Variants in TACR1 observed in about 807,000 individuals in gnomAD.
TACR1 encodes substance-P receptor.
A neutral mutation model predicts 35.8 loss-of-function variants in TACR1; 25 were observed. The observed-to-expected ratio is 0.70, with a 90% confidence interval of 0.51 to 0.98. The LOEUF (loss-of-function observed/expected upper bound fraction) is 0.98, where lower values mean the gene tolerates loss of function less well. TACR1 is among the 50% of genes least tolerant of loss of function. TACR1 has a pLI of 0.00. For missense variants in TACR1, 478 were observed against 522.9 expected (o/e 0.91, Z 0.84); for synonymous variants, 195 against 206.7 (o/e 0.94, Z 0.48).
At chr2:75,109,581 A>G (rs1673712818) in intron 2 of TACR1, among the ~76,000 whole-genome samples, 1 of 152,218 alleles carries the variant, frequency 6.6e-6, no homozygotes, top group South Asian at 2.1e-4. Context: ...AAGTAATTCC[A>G]TATTTGTTTT....
chr2:75,081,898 CTT>C (rs573484307), intron 2 of TACR1, among the ~76,000 whole-genome samples: 4,932 of 133,354 alleles, frequency 0.037, 237 homozygotes, highest in African/African-American at 0.12. Flanking sequence ...ACCAACATTT[CTT>C]TTTTTTTTTT....
intron 2 of TACR1, among the ~76,000 whole-genome samples, chr2:75,066,966 C>T (rs903800885): frequency 5.3e-5 from 8 of 152,170 alleles, no homozygotes; most frequent in Admixed American, 1.3e-4. Flanking sequence ...TTTATGCAAC[C>T]TCCTCGTCTT....
intron 1 of TACR1, among the ~76,000 whole-genome samples, chr2:75,123,664 C>T (rs559058173): frequency 6.6e-6 from 1 of 152,248 alleles, no homozygotes; most frequent in South Asian, 2.1e-4. Flanking sequence ...TTGTTCAAAA[C>T]AGAGGTGTTT....
chr2:75,049,924 A>G (rs527244937), intron 4 of TACR1, among the ~76,000 whole-genome samples: 1 of 152,196 alleles, frequency 6.6e-6, no homozygotes, highest in South Asian at 2.1e-4. Context: ...ACTAGAAAAA[A>G]AAAATCCAAC....
At chr2:75,093,414 C>T (rs1411855879) in intron 2 of TACR1, among the ~76,000 whole-genome samples, 1 of 152,180 alleles carries the variant, frequency 6.6e-6, no homozygotes, top group Non-Finnish European at 1.5e-5. Flanking sequence ...CTCCATCAGT[C>T]AACTTGGAGC....
chr2:75,144,200 C>G (rs547576792), intron 1 of TACR1, among the ~76,000 whole-genome samples: 5 of 152,290 alleles, frequency 3.3e-5, no homozygotes, highest in African/African-American at 1.2e-4. Flanking sequence ...TCAGTGGGAG[C>G]TGATCGATGG....
chr2:75,148,570 T>G (rs1309046516), intron 1 of TACR1, among the ~76,000 whole-genome samples: 1 of 152,092 alleles, frequency 6.6e-6, no homozygotes, highest in Non-Finnish European at 1.5e-5. Flanking sequence ...ATGGAGTTGC[T>G]TGTTTTTTTC....
chr2:75,089,894 C>T (rs2103850872), intron 2 of TACR1, among the ~76,000 whole-genome samples: 1 of 152,258 alleles, frequency 6.6e-6, no homozygotes, highest in South Asian at 2.1e-4. Context: ...CTCAAACAAA[C>T]AAATTTCTGG....
chr2:75,198,334 G>A (rs1181025506), intron 1 of TACR1, among the ~76,000 whole-genome samples: 7 of 152,170 alleles, frequency 4.6e-5, no homozygotes, highest in African/African-American at 1.4e-4. Context: ...GTGTTGAAAG[G>A]AAGAGAGAGA....
chr2:75,176,070 A>G (rs968227432), intron 1 of TACR1, among the ~76,000 whole-genome samples: 1 of 149,854 alleles, frequency 6.7e-6, no homozygotes, highest in Non-Finnish European at 1.5e-5. Context: ...TGTATCTGCC[A>G]TCCATTGCTA....
chr2:75,074,102 C>T (rs1672933243), intron 2 of TACR1, among the ~76,000 whole-genome samples: 1 of 152,112 alleles, frequency 6.6e-6, no homozygotes, highest in South Asian at 2.1e-4. Flanking sequence ...TTAAAAAATA[C>T]TTGTTATGTA....
At chr2:75,126,395 T>C (rs1407703446) in intron 1 of TACR1, among the ~76,000 whole-genome samples, 1 of 152,296 alleles carries the variant, frequency 6.6e-6, no homozygotes, top group East Asian at 1.9e-4. Context: ...AGTGAACATA[T>C]GCATGCATGT....
chr2:75,140,740 A>G (rs1431728380), intron 1 of TACR1, among the ~76,000 whole-genome samples: 1 of 152,210 alleles, frequency 6.6e-6, no homozygotes, highest in African/African-American at 2.4e-5. Context: ...CCTTGAGGAA[A>G]AGGACCAGGT....
At chr2:75,085,029 A>G (rs1219259212) in intron 2 of TACR1, among the ~76,000 whole-genome samples, 6 of 151,904 alleles carry the variant, frequency 3.9e-5, no homozygotes, top group African/African-American at 1.2e-4. Flanking sequence ...TATGGTGTCA[A>G]TTTTAGATCT....
At chr2:75,131,347 C>CAA (rs2103929550) in intron 1 of TACR1, among the ~76,000 whole-genome samples, 1 of 152,208 alleles carries the variant, frequency 6.6e-6, no homozygotes, top group African/African-American at 2.4e-5. Flanking sequence ...CTTGGCCTCC[C>CAA]AAAGTGCTGG....
chr2:75,184,859 G>A lies in TACR1; in HGVS notation c.389+13687C>T, dbSNP rs183213687. Among the ~76,000 whole-genome samples the A allele has an allele frequency of 9.2e-5, 14 of 151,548 alleles. No individual in the cohort carries two copies. The East Asian group carries it at 2.1e-3, about 23-fold the overall frequency. The stretch of plus-strand genomic sequence containing the variant: ...TGTAAAGAAATCATATTAAAAGCTC[G>A]ACTACATAGACTATGCATCATGTTC... On this transcript the variant is annotated intron_variant, in intron 1 of 4. Coordinates refer to ENST00000305249, the MANE Select transcript of TACR1 (RefSeq NM_001058.4).
At chr2:75,073,826 C>A (rs1273909670) in intron 2 of TACR1, among the ~76,000 whole-genome samples, 1 of 152,186 alleles carries the variant, frequency 6.6e-6, no homozygotes, top group African/African-American at 2.4e-5. Context: ...CCACTTCTCA[C>A]CAGAAGGGCT....
At chr2:75,074,837 G>A (rs1414095329) in intron 2 of TACR1, among the ~76,000 whole-genome samples, 1 of 152,172 alleles carries the variant, frequency 6.6e-6, no homozygotes. Context: ...CAGGGTCAGG[G>A]AACATCTATG....
At chr2:75,153,861 A>G (rs1242995838) in intron 1 of TACR1, among the ~76,000 whole-genome samples, 6 of 152,098 alleles carry the variant, frequency 3.9e-5, no homozygotes, top group Admixed American at 2.0e-4. Flanking sequence ...CCAGGTCATC[A>G]GTGTACTCTA....
Sources: allele counts gnomAD v4.1 joint callset (sites outside exome capture counted in the v4.1 genomes callset), GRCh38; gene constraint gnomAD v4.1.1; transcripts MANE v1.5; gene names NCBI Gene and HGNC (gene_info 2026-07-23, HGNC 2026-07-21).